SURF6: variants seen among roughly 807,000 people sequenced by gnomAD.
SURF6 encodes the protein surfeit 6, also known as surfeit locus protein 6.
A neutral mutation model predicts 37.5 loss-of-function variants in SURF6; 28 were observed. The ratio of observed to expected loss-of-function variants is 0.75; its 90% CI spans 0.55 to 1.02. The LOEUF is 1.02. Ranked by LOEUF, SURF6 falls within the 50% of genes least tolerant of loss-of-function variation. The pLI is 0.00. For missense variants in SURF6, 560 were observed against 490.5 expected, an observed-to-expected ratio of 1.14 and a Z score of -1.34; for synonymous variants, 248 against 210.9, an observed-to-expected ratio of 1.18 and a Z score of -1.52.
rs1288349937 is a variant in SURF6, at chr9:133,329,957, C to T, written c.*1912G>A. The T allele has an allele frequency of 3.3e-5, 5 of 152,168 alleles. No homozygotes were observed. The highest frequency in any genetic ancestry group is 9.7e-5 in the African/African-American group (4 of 41,432). 9.4% of individuals were successfully genotyped at this position (152,168 alleles called of 1,614,324 possible). A position where few individuals can be genotyped will look rare whatever the true frequency, so the allele number is the denominator to read the frequency against. On this transcript the variant is annotated 3_prime_UTR_variant, in exon 5 of 5. Transcript: ENST00000372022. ...GTCTGGAATTACCTGTTCTCTATAT[C>T]GTGGAACTTCCCTGTAAAACCGTCT...
In SURF6 at chr9:133,332,803, C is replaced by T. The variant is rs2129921574; in HGVS notation, c.394-43G>A. ...CCACTCATTAAAGTTCTCTCGATCC[C>T]AGGGTCCCCCAGCCTGGCCCATAGT... On this transcript the variant is annotated intron_variant, in intron 3 of 4. Transcript: ENST00000372022. 379 of 1,584,846 alleles carry T rather than the reference C, an allele frequency of 2.4e-4. 2 individuals carry two copies. Among genetic ancestry groups the T allele is most frequent in the Non-Finnish European group, 2.9e-4 (335 of 1,164,270 alleles).
chr9:133,335,953 A>G, intron 1 of SURF6, 86 bp downstream of exon 1: 2 of 1,002,320 alleles, frequency 2.0e-6, no homozygotes, highest in South Asian at 3.1e-5. Context: ...TTTTTTTTCT[A>G]GTACTTTACA....
chr9:133,332,720 C>A lies in SURF6; in HGVS notation c.434G>T (p.Arg145Met), dbSNP rs1243341666. 1 of 1,611,892 alleles carries A rather than the reference C, an allele frequency of 6.2e-7. No individual in the cohort carries two copies. Among genetic ancestry groups the A allele is most frequent in the Non-Finnish European group, 8.5e-7 (1 of 1,180,026 alleles). The change falls in exon 4 of 5, where the codon AGG becomes ATG. Residue 145 changes from arginine (R) to methionine (M), a missense_variant. Physicochemically the swap from Arg to Met is moderately conservative, Grantham distance 91. Transcript: ENST00000372022. ...KELSPAALEK[R>M]RRRKQERDRK... ...GTCCCGTTCCTGCTTTCTCCGCCGC[C>A]TTTTCTCCAAGGCGGCAGGGGACAG...
chr9:133,331,722 C>T lies in SURF6; in HGVS notation c.*147G>A, dbSNP rs2129911196. On this transcript the variant is annotated 3_prime_UTR_variant, in exon 5 of 5. Coordinates refer to ENST00000372022, the MANE Select transcript of SURF6 (RefSeq NM_006753.6). ...TCACATGGGATCTGTGATCTGGGCC[C>T]TCACAACTCAGCAGAGCACCACTGT... 1.8e-4 allele frequency: 192 copies of T among 1,084,010 alleles called. No individual in the cohort carries two copies. The highest frequency in any genetic ancestry group is 2.2e-4 in the Non-Finnish European group (185 of 822,464). The allele number at this position is 1,084,010 out of a possible 1,614,324, so 67.1% of individuals were successfully genotyped here.
rs1564334574 is a variant in SURF6, at chr9:133,334,612, AAAT to A, written c.95-14_95-12del. On this transcript the variant is annotated splice_polypyrimidine_tract_variant and intron_variant, in intron 1 of 4. Coordinates refer to ENST00000372022, the MANE Select transcript of SURF6 (RefSeq NM_006753.6). ...CTTGAGTTTTGCCAGCTGAAATGCA[AAAT>A]AAGAAAGAGTTAAGTCCCAATCTCA... 6.2e-7 allele frequency: 1 copy of A among 1,604,704 alleles called. No homozygotes were observed. The highest frequency in any genetic ancestry group is 1.7e-5 in the Admixed American group (1 of 59,802).
rs1484586757 is a variant in SURF6, at chr9:133,329,860, C to T, written c.*2009G>A. 1 of 152,198 alleles carries T rather than the reference C, an allele frequency of 6.6e-6. No individual in the cohort carries two copies. The allele number at this position is 152,198 out of a possible 1,614,324, so 9.4% of individuals were successfully genotyped here. A position where few individuals can be genotyped will look rare whatever the true frequency, so the allele number is the denominator to read the frequency against. ...TATTTGGTAACTTCCCTTTCTCTTACCTAGTTTTGGTATCAAAGCTAAGTT... is the reference window on the plus strand; with the variant it reads ...TATTTGGTAACTTCCCTTTCTCTTATCTAGTTTTGGTATCAAAGCTAAGTT... On this transcript the variant is annotated 3_prime_UTR_variant, in exon 5 of 5. Coordinates refer to ENST00000372022, the MANE Select transcript of SURF6 (RefSeq NM_006753.6).
Position 133,331,698 on chromosome 9 carries a change from C to T in SURF6, c.*171G>A. 1.2e-6 allele frequency: 1 copy of T among 853,738 alleles called. No homozygotes were observed. 52.9% of individuals were successfully genotyped at this position (853,738 alleles called of 1,614,324 possible). ...GATGACGCTGAAACTCTCTCTTTCT[C>T]ACATGGGATCTGTGATCTGGGCCCT... On this transcript the variant is annotated 3_prime_UTR_variant, in exon 5 of 5. Transcript: ENST00000372022.
At chr9:133,333,303 C>T (rs905669101) in intron 3 of SURF6, among the ~76,000 whole-genome samples, 3 of 152,172 alleles carry the variant, frequency 2.0e-5, no homozygotes, top group African/African-American at 7.2e-5. Context: ...GGACTGTCCC[C>T]CACACAGCAC....
intron 1 of SURF6, among the ~76,000 whole-genome samples, chr9:133,335,761 G>A (rs2129932589): frequency 1.3e-5 from 2 of 151,706 alleles, no homozygotes; most frequent in Admixed American, 6.6e-5. Flanking sequence ...CTGTAGTGCC[G>A]GCTACTCGGG....
At chr9:133,333,006 C>T in intron 3 of SURF6, 1 of 573,368 alleles carries the variant, frequency 1.7e-6, no homozygotes. Flanking sequence ...TGCCAGGATA[C>T]ATTACGCACA....
At chr9:133,335,706 A>G (rs964436101) in intron 1 of SURF6, among the ~76,000 whole-genome samples, 3 of 121,292 alleles carry the variant, frequency 2.5e-5, no homozygotes, top group African/African-American at 9.0e-5. Flanking sequence ...TCTACTAAAA[A>G]TGCAAAAAAA....
chr9:133,333,620 A>G (rs1835801503), intron 3 of SURF6, 98 bp downstream of exon 3: 4 of 1,127,132 alleles, frequency 3.5e-6, no homozygotes, highest in East Asian at 2.5e-5. Flanking sequence ...GACTCGCTGC[A>G]GAGGGGAGAA....
intron 1 of SURF6, 100 bp from the exon 2 acceptor site, chr9:133,334,701 G>A: frequency 1.4e-6 from 2 of 1,416,852 alleles, no homozygotes; most frequent in South Asian, 1.3e-5. Context: ...GATGCCGAAA[G>A]AGGATCAGGA....
rs1295388906 is a variant in SURF6 at position 133,331,177 on chromosome 9, T to G, written c.*692A>C. On this transcript the variant is annotated 3_prime_UTR_variant, in exon 5 of 5. Transcript: ENST00000372022. ...CACTCTCTCTCCAGCTTTTATTCTTTCTTTCTCTTTCCCTAGGTCCAATGC... is the reference window on the plus strand; with the variant it reads ...CACTCTCTCTCCAGCTTTTATTCTTGCTTTCTCTTTCCCTAGGTCCAATGC... 6.6e-6 allele frequency: 1 copy of G among 152,258 alleles called. No individual in the cohort carries two copies. Among genetic ancestry groups the G allele is most frequent in the Non-Finnish European group, 1.5e-5 (1 of 68,048 alleles). 9.4% of individuals were successfully genotyped at this position (152,258 alleles called of 1,614,324 possible). A position where few individuals can be genotyped will look rare whatever the true frequency, so the allele number is the denominator to read the frequency against.
rs1174945830 is a variant in SURF6, at chr9:133,332,575, C to T, written c.579G>A (p.Arg193=). Residue 193 remains arginine, a synonymous_variant, in exon 4 of 5, where the codon CGG becomes CGA. Coordinates refer to ENST00000372022, the MANE Select transcript of SURF6 (RefSeq NM_006753.6). The part of the protein sequence containing the change: ...ATPEGACTEP[R]EPPGLIFNKV... ...TATTGAAGATCAGCCCGGGCGGCTC[C>T]CGCGGCTCCGTGCAGGCCCCCTCTG... 2.5e-6 allele frequency: 4 copies of T among 1,609,040 alleles called. No individual in the cohort carries two copies. The highest frequency in any genetic ancestry group is 2.5e-6 in the Non-Finnish European group (3 of 1,179,954).
At chr9:133,333,854 C>A in intron 2 of SURF6, 48 bp from the exon 3 acceptor site, 1 of 1,519,864 alleles carries the variant, frequency 6.6e-7, no homozygotes, top group East Asian at 2.3e-5. Flanking sequence ...TTCCCCTCCC[C>A]CTCCCTCCCT....
chr9:133,334,358 C>G, intron 2 of SURF6, 34 bp downstream of exon 2: 1 of 1,584,538 alleles, frequency 6.3e-7, no homozygotes, highest in Non-Finnish European at 8.6e-7. Flanking sequence ...CAGCCCCGCC[C>G]TGCACAGAAC....
chr9:133,332,835 G>C, intron 3 of SURF6, 75 bp from the exon 4 acceptor site: 2 of 1,455,184 alleles, frequency 1.4e-6, no homozygotes, highest in Admixed American at 1.8e-5. Context: ...TAGTCGAGAA[G>C]AATCAGGGCT....
rs374218723 is a variant in SURF6, at chr9:133,335,334, A to ATT, written c.94+703_94+704dup. Among the ~76,000 whole-genome samples the ATT allele has an allele frequency of 5.7e-3, 870 of 151,366 alleles. 5 individuals are homozygous for ATT. Among genetic ancestry groups the ATT allele is most frequent in the Non-Finnish European group, 8.4e-3 (567 of 67,860 alleles). Reference sequence around the variant, plus strand: ...ATCGTTTTAATGAAAAAAAAAAAAAATTTCAAAAAGGATGAGAAAGACAGA... The same window carrying ATT: ...ATCGTTTTAATGAAAAAAAAAAAAAATTTTTCAAAAAGGATGAGAAAGACAGA... On this transcript the variant is annotated intron_variant, in intron 1 of 4. Transcript: ENST00000372022.
Sources: allele counts gnomAD v4.1 joint callset (sites outside exome capture counted in the v4.1 genomes callset), GRCh38; gene constraint gnomAD v4.1.1; transcripts MANE v1.5; gene names NCBI Gene and HGNC (gene_info 2026-07-23, HGNC 2026-07-21).